MTO1: variants seen among roughly 807,000 people sequenced by gnomAD.
MTO1 encodes 5-taurinomethyluridine-[tRNA] synthase subunit MTO1, mitochondrial.
Under a neutral mutation model 71.6 loss-of-function variants are expected in MTO1, and 46 were observed. The ratio of observed to expected loss-of-function variants is 0.64; its 90% CI spans 0.51 to 0.82. The LOEUF (loss-of-function observed/expected upper bound fraction) is 0.82. Among genes scored for constraint, MTO1 ranks in the 40% least tolerant of loss-of-function variants. The pLI, the probability that MTO1 is intolerant of heterozygous loss-of-function variation, is 0.00. For missense variants in MTO1, 773 were observed against 867.5 expected (o/e 0.89, Z 1.37); for synonymous variants, 297 against 312.1 (o/e 0.95, Z 0.51).
At chr6:73,466,130 G>A (rs533782163) in intron 1 of MTO1, 79 bp from the exon 2 acceptor site, 3 of 1,210,228 alleles carry the variant, frequency 2.5e-6, no homozygotes, top group Non-Finnish European at 3.6e-6. Flanking sequence ...ATAGTCACCT[G>A]TATAAATGTT....
At chr6:73,475,821 C>T (rs560001275) in intron 4 of MTO1, among the ~76,000 whole-genome samples, 5 of 152,166 alleles carry the variant, frequency 3.3e-5, no homozygotes, top group Admixed American at 3.3e-4. Flanking sequence ...TGGTCTCAAA[C>T]TCTTGACCTC....
rs762615599 is a variant in MTO1, at chr6:73,482,278, G to A, written c.1465+34G>A. 28 of 1,608,190 alleles carry A rather than the reference G, an allele frequency of 1.7e-5. No homozygotes were observed. In the East Asian group the frequency reaches 5.4e-4, roughly 31 times the overall value. On this transcript the variant is annotated intron_variant, in intron 8 of 11. Coordinates refer to ENST00000498286, the MANE Select transcript of MTO1 (RefSeq NM_012123.4). ...TTCCTGAGTCCTGCAATCCAGCCAG[G>A]CATGGTGGCTCACACCTATAATCCA...
chr6:73,464,532 C>T (rs1255002618), intron 1 of MTO1, among the ~76,000 whole-genome samples: 1 of 151,950 alleles, frequency 6.6e-6, no homozygotes, highest in African/African-American at 2.4e-5. Flanking sequence ...GTAATCCCAG[C>T]AGTTTGGGAG....
In MTO1 at chr6:73,503,902, A is replaced by G. The variant is rs546536029; in HGVS notation, c.*3167A>G. 5 of 152,276 alleles carry G rather than the reference A, an allele frequency of 3.3e-5. No homozygotes were observed. Among genetic ancestry groups the G allele is most frequent in the African/African-American group, 1.2e-4 (5 of 41,558 alleles). 9.4% of individuals were successfully genotyped at this position (152,276 alleles called of 1,614,324 possible). ...AAGTATTTTGTCATTTTTTAGTTTC[A>G]ACCTAGATTGGAATAGCCATGGCTT... is the stretch of plus-strand genomic sequence containing the variant. On this transcript the variant is annotated 3_prime_UTR_variant, in exon 12 of 12. Transcript: ENST00000498286.
chr6:73,468,683 C>A (rs1245941016), intron 3 of MTO1, among the ~76,000 whole-genome samples: 1 of 151,938 alleles, frequency 6.6e-6, no homozygotes, highest in Non-Finnish European at 1.5e-5. Context: ...TCTTGGCTCA[C>A]TGCAACCTCC....
intron 10 of MTO1, among the ~76,000 whole-genome samples, chr6:73,492,968 A>ATGTGTGTGTGTG (rs368351300): frequency 0.016 from 1,064 of 67,854 alleles, 40 homozygotes; most frequent in African/African-American, 0.046. Context: ...TATATAATAT[A>ATGTGTGTGTGTG]TGTGTGTGTG....
At chr6:73,497,657 T>C (rs1772025684) in intron 10 of MTO1, 79 bp from the exon 11 acceptor site, 1 of 1,422,942 alleles carries the variant, frequency 7.0e-7, no homozygotes, top group Non-Finnish European at 9.6e-7. Flanking sequence ...TTTTGTAAAT[T>C]GTAAGAGGCT....
At chr6:73,462,307 G>A (rs1471793686) in intron 1 of MTO1, 1 of 578,022 alleles carries the variant, frequency 1.7e-6, no homozygotes, top group Non-Finnish European at 3.1e-6. Flanking sequence ...TCCGTTGTAG[G>A]AGGTTGGGGT....
chr6:73,486,262 A>G (rs1012565549), intron 9 of MTO1, among the ~76,000 whole-genome samples: 2 of 152,142 alleles, frequency 1.3e-5, no homozygotes, highest in African/African-American at 4.8e-5. Flanking sequence ...CATCTTAACT[A>G]TTTGTAAGTG....
chr6:73,480,302 T>A, intron 6 of MTO1, 176 bp downstream of exon 6: 2 of 784,014 alleles, frequency 2.6e-6, no homozygotes, highest in Non-Finnish European at 4.3e-6. Context: ...GACGGAGTTT[T>A]GCTCTTGTTG....
intron 10 of MTO1, 60 bp from the exon 11 acceptor site, chr6:73,497,676 G>A (rs1772026180): frequency 6.7e-7 from 1 of 1,497,646 alleles, no homozygotes. Context: ...CTACATAAAT[G>A]TAAGTTGTTA....
At position 73,497,904 on chromosome 6, in the gene MTO1, A is replaced by G; in HGVS notation, c.1917+8A>G. 2 of 1,601,908 alleles carry G rather than the reference A, an allele frequency of 1.2e-6. No individual in the cohort carries two copies. Among genetic ancestry groups the G allele is most frequent in the Non-Finnish European group, 1.7e-6 (2 of 1,171,408 alleles). On this transcript the variant is annotated splice_region_variant and intron_variant, in intron 11 of 11. Coordinates refer to ENST00000498286, the MANE Select transcript of MTO1 (RefSeq NM_012123.4). ...TTTAGTCGTCCACAGACGGTAAGAA[A>G]ATAGGCAGGAGAATAGAAACAAGTT...
chr6:73,471,347 C>A, intron 3 of MTO1: 1 of 371,154 alleles, frequency 2.7e-6, no homozygotes, highest in Non-Finnish European at 5.2e-6. Context: ...TCTCCCCCGA[C>A]TTTCTTTATT....
intron 10 of MTO1, 39 bp from the exon 11 acceptor site, chr6:73,497,697 A>C: frequency 6.3e-7 from 1 of 1,583,856 alleles, no homozygotes. Context: ...GTATAATATA[A>C]TCTGGGTATT....
rs1435555508 is a variant in MTO1 at position 73,500,798 on chromosome 6, A to G, written c.*63A>G. On this transcript the variant is annotated 3_prime_UTR_variant, in exon 12 of 12. Transcript: ENST00000498286. Reference sequence around the variant, plus strand: ...TAATTTGATCAATACAACAGTATAGATAAAAGAATTATTTAGCACATGTTA... The same window carrying G: ...TAATTTGATCAATACAACAGTATAGGTAAAAGAATTATTTAGCACATGTTA... The G allele has an allele frequency of 7.9e-7, 1 of 1,272,200 alleles. No individual in the cohort carries two copies. The allele number at this position is 1,272,200 out of a possible 1,614,324, so 78.8% of individuals were successfully genotyped here.
intron 9 of MTO1, among the ~76,000 whole-genome samples, chr6:73,483,745 A>G (rs971039609): frequency 3.3e-5 from 5 of 149,846 alleles, no homozygotes; most frequent in African/African-American, 1.2e-4. Context: ...CAGCCTCCCA[A>G]GTAGTTGGGA....
intron 10 of MTO1, among the ~76,000 whole-genome samples, chr6:73,493,350 A>ATGTCTGTG (rs1169202264): frequency 1.3e-4 from 6 of 46,312 alleles, no homozygotes; most frequent in Non-Finnish European, 2.5e-4. Context: ...TGAAATGTGC[A>ATGTCTGTG]TGTATGTGTG....
Position 73,482,377 on chromosome 6 carries a change from GAC to G in MTO1, c.1466-69_1466-68del, listed in dbSNP as rs570336810. ...AGGACTAGCCTGGGCAACATAGTGAGACACTGTCTCTACAAAAAAATTTGCTT... is the reference window on the plus strand; with the variant it reads ...AGGACTAGCCTGGGCAACATAGTGAGACTGTCTCTACAAAAAAATTTGCTT... On this transcript the variant is annotated intron_variant, in intron 8 of 11. Transcript: ENST00000498286. 2.0e-3 allele frequency: 3,125 copies of G among 1,544,402 alleles called. 8 individuals carry two copies. Among genetic ancestry groups the G allele is most frequent in the Middle Eastern group, 4.8e-3 (22 of 4,548 alleles).
chr6:73,505,536 A>C lies in MTO1; in HGVS notation c.*4801A>C, dbSNP rs1336180490. ...GGAAACTATTCTTTAGTGAGTACAG[A>C]ATTTCAGTTTTTTTGTTTTGTTTTT... On this transcript the variant is annotated 3_prime_UTR_variant, in exon 12 of 12. Transcript: ENST00000498286. 6 of 147,388 alleles carry C rather than the reference A, an allele frequency of 4.1e-5. No individual in the cohort carries two copies. In the East Asian group the frequency reaches 1.2e-3, roughly 30 times the overall value. 9.1% of individuals were successfully genotyped at this position (147,388 alleles called of 1,614,324 possible).
Sources: gnomAD v4.1 joint callset for allele counts (sites outside exome capture counted in the v4.1 genomes callset) on GRCh38, gnomAD v4.1.1 for gene constraint, MANE v1.5 for transcripts, NCBI Gene and HGNC (gene_info 2026-07-23, HGNC 2026-07-21) for gene names.